The following SCLT1 variants were observed in gnomAD, a reference collection of about 807,000 sequenced individuals.
SCLT1 encodes sodium channel-associated protein 1.
A neutral mutation model predicts 112.8 loss-of-function variants in SCLT1; 78 were observed. The observed-to-expected ratio is 0.69, with a 90% confidence interval of 0.58 to 0.83. The LOEUF (loss-of-function observed/expected upper bound fraction) is 0.83. Among genes scored for constraint, SCLT1 ranks in the 40% least tolerant of loss-of-function variants. The pLI is 0.00. For synonymous variants in SCLT1, 257 were observed against 254.7 expected (o/e 1.01, Z -0.09); for missense variants, 747 against 770.4 (o/e 0.97, Z 0.36).
chr4:128,873,281 G>GAAAAAAAAAAGAAAAAAAA (rs1395717712), intron 5 of SCLT1: 1 of 105,632 alleles, frequency 9.5e-6, no homozygotes. Context: ...AAGAAAAAAA[G>GAAAAAAAAAAGAAAAAAAA]AAAAAAAAAA....
chr4:128,922,039 G>GA (rs1283639759), intron 18 of SCLT1, among the ~76,000 whole-genome samples: 3 of 152,148 alleles, frequency 2.0e-5, no homozygotes, highest in African/African-American at 7.2e-5. Context: ...ACAAGCATAT[G>GA]AAAAAATGCC....
chr4:128,873,256 GAAAAAA>G (rs1296724284), intron 5 of SCLT1: 2 of 28,694 alleles, frequency 7.0e-5, no homozygotes, highest in Non-Finnish European at 1.5e-4. Flanking sequence ...TAAGAAAAAG[GAAAAAA>G]AAAAAAAAAA....
rs192164095 is a variant in SCLT1, at chr4:128,966,039, C to T, written c.778-721G>A. 1.6e-3 allele frequency among the ~76,000 whole-genome samples: 248 copies of T among 151,588 alleles called. 2 individuals are homozygous for T. The highest frequency in any genetic ancestry group is 0.014 in the East Asian group (71 of 5,148). The stretch of plus-strand genomic sequence containing the variant: ...TAGAGACAGGGTTTCACCACATTGG[C>T]CAGGCTGGTCTTGAACTCCTGACCT... On this transcript the variant is annotated intron_variant, in intron 10 of 20. Transcript: ENST00000281142.
rs1316382872 is a variant in SCLT1 at position 129,093,302 on chromosome 4, C to A, written c.-199G>T. ...CCCCGCGCCCCAGACGAGTCCCTGG[C>A]CCTGGTGAGAGACTGAAGATTGCTG... is the stretch of plus-strand genomic sequence containing the variant. On this transcript the variant is annotated 5_prime_UTR_variant, in exon 1 of 21. Coordinates refer to ENST00000281142, the MANE Select transcript of SCLT1 (RefSeq NM_144643.4). 1.7e-5 allele frequency: 10 copies of A among 605,396 alleles called. No homozygotes were observed. The highest frequency in any genetic ancestry group is 1.2e-4 in the Admixed American group (4 of 34,398). 37.5% of individuals were successfully genotyped at this position (605,396 alleles called of 1,614,324 possible). A position where few individuals can be genotyped will look rare whatever the true frequency, so the allele number is the denominator to read the frequency against.
chr4:129,025,449 A>G (rs1318248234), intron 5 of SCLT1, among the ~76,000 whole-genome samples: 2 of 152,188 alleles, frequency 1.3e-5, no homozygotes, highest in African/African-American at 4.8e-5. Flanking sequence ...CAGCCAAACT[A>G]AGCTTCATAA....
At chr4:128,920,384 C>T (rs1374397510) in intron 18 of SCLT1, among the ~76,000 whole-genome samples, 4 of 152,184 alleles carry the variant, frequency 2.6e-5, no homozygotes, top group Non-Finnish European at 5.9e-5. Context: ...CTTGGCCTCC[C>T]AGGTTCAAAT....
Position 128,959,697 on chromosome 4 carries a change from G to T in SCLT1, c.950C>A (p.Ala317Glu), listed in dbSNP as rs1739516107. 6.2e-7 allele frequency: 1 copy of T among 1,613,084 alleles called. No homozygotes were observed. Among genetic ancestry groups the T allele is most frequent in the Non-Finnish European group, 8.5e-7 (1 of 1,179,462 alleles). The change falls in exon 12 of 21, where the codon GCA becomes GAA. Residue 317 changes from alanine to glutamate, a missense_variant. Coordinates refer to ENST00000281142, the MANE Select transcript of SCLT1 (RefSeq NM_144643.4). ...HLEKQTRELQ[A>E]KCNELENERY... Reference sequence around the variant, plus strand: ...CTCATTTTCTAATTCATTGCACTTTGCTTGTAGCTCTCTGGTCTGTTTTTC... The same window carrying T: ...CTCATTTTCTAATTCATTGCACTTTTCTTGTAGCTCTCTGGTCTGTTTTTC...
At chr4:128,965,751 G>T (rs1740123966) in intron 10 of SCLT1, among the ~76,000 whole-genome samples, 2 of 149,524 alleles carry the variant, frequency 1.3e-5, no homozygotes, top group African/African-American at 4.9e-5. Context: ...AATTTTATTT[G>T]TATCAACTTT....
intron 2 of SCLT1, among the ~76,000 whole-genome samples, chr4:129,050,251 C>T (rs1561017183): frequency 6.6e-6 from 1 of 152,164 alleles, no homozygotes; most frequent in South Asian, 2.1e-4. Flanking sequence ...GGTATATACA[C>T]AGTAATTGGA....
chr4:129,005,304 AT>A (rs1743893866), intron 5 of SCLT1, among the ~76,000 whole-genome samples: 1 of 152,204 alleles, frequency 6.6e-6, no homozygotes, highest in Non-Finnish European at 1.5e-5. Flanking sequence ...GTAAAATGAA[AT>A]GAAAAAATAG....
chr4:129,025,542 G>C (rs1386624907), intron 5 of SCLT1, among the ~76,000 whole-genome samples: 8 of 152,138 alleles, frequency 5.3e-5, no homozygotes, highest in Admixed American at 3.9e-4. Flanking sequence ...AAGAGCTCCT[G>C]AAGGAAGCAC....
At chr4:128,955,048 A>C (rs1739106155) in intron 13 of SCLT1, among the ~76,000 whole-genome samples, 7 of 152,190 alleles carry the variant, frequency 4.6e-5, no homozygotes, top group Admixed American at 4.6e-4. Flanking sequence ...GAATCAAACT[A>C]CTCATGCCTT....
chr4:129,084,770 G>A (rs1262235112), intron 1 of SCLT1, among the ~76,000 whole-genome samples: 2 of 152,048 alleles, frequency 1.3e-5, no homozygotes, highest in African/African-American at 2.4e-5. Flanking sequence ...CAAGCAATGA[G>A]GAAAGAATTC....
At chr4:129,024,304 G>T (rs968199957) in intron 5 of SCLT1, among the ~76,000 whole-genome samples, 1 of 152,190 alleles carries the variant, frequency 6.6e-6, no homozygotes, top group South Asian at 2.1e-4. Flanking sequence ...CCCCCAAGTA[G>T]GGGCAGACTG....
At chr4:128,999,906 T>G in intron 6 of SCLT1, 112 bp from the exon 7 acceptor site, 1 of 590,084 alleles carries the variant, frequency 1.7e-6, no homozygotes, top group East Asian at 3.2e-5. Flanking sequence ...TAAAATAAAA[T>G]AGAACTGTGT....
chr4:128,879,929 T>C (rs1382832287), downstream of SCLT1, among the ~76,000 whole-genome samples: 2 of 152,210 alleles, frequency 1.3e-5, no homozygotes, highest in Non-Finnish European at 2.9e-5. Context: ...AGGACTGTGC[T>C]GCCATAGAAT....
intron 2 of SCLT1, among the ~76,000 whole-genome samples, chr4:129,075,091 T>C (rs951062093): frequency 2.0e-5 from 3 of 152,194 alleles, no homozygotes; most frequent in African/African-American, 7.2e-5. Flanking sequence ...ATTGTGGTTA[T>C]GTAAGCAAAT....
In SCLT1 at chr4:129,093,229, A is replaced by C. The variant is rs1753016116; in HGVS notation, c.-126T>G. 1.2e-6 allele frequency: 1 copy of C among 820,800 alleles called. No individual in the cohort carries two copies. The highest frequency in any genetic ancestry group is 2.1e-6 in the Non-Finnish European group (1 of 478,190). 50.8% of individuals were successfully genotyped at this position (820,800 alleles called of 1,614,324 possible). A position where few individuals can be genotyped will look rare whatever the true frequency, so the allele number is the denominator to read the frequency against. ...GGTTGTCAAGCGCTCCAGCGGTGCA[A>C]TCTGCATCCTACTCACGCGGCATCT... On this transcript the variant is annotated 5_prime_UTR_variant, in exon 1 of 21. Transcript: ENST00000281142.
chr4:128,974,797 T>C (rs958782826), intron 9 of SCLT1, among the ~76,000 whole-genome samples: 6 of 152,114 alleles, frequency 3.9e-5, no homozygotes, highest in Non-Finnish European at 7.4e-5. Flanking sequence ...CCTGTGTATG[T>C]AATTTTATAA....
Sources: allele counts gnomAD v4.1 joint callset (sites outside exome capture counted in the v4.1 genomes callset), GRCh38; gene constraint gnomAD v4.1.1; transcripts MANE v1.5; gene names NCBI Gene and HGNC (gene_info 2026-07-23, HGNC 2026-07-21).